The following STXBP6 variants were observed in gnomAD, a reference collection of about 807,000 sequenced individuals.
STXBP6 encodes syntaxin-binding protein 6.
In STXBP6, 21 loss-of-function variants were observed where a neutral mutation model predicts 26.9. The observed-to-expected ratio is 0.78, with a 90% CI of 0.55 to 1.12. STXBP6 has a LOEUF of 1.12. STXBP6 is among the 50% of genes most tolerant of loss of function. The pLI is 0.00. For synonymous variants in STXBP6, 97 were observed against 92.6 expected (o/e 1.05, Z -0.27); for missense variants, 232 against 257.9 (o/e 0.90, Z 0.69).
intron 2 of STXBP6, among the ~76,000 whole-genome samples, chr14:24,971,934 A>G (rs1485296224): frequency 1.3e-5 from 2 of 152,252 alleles, no homozygotes; most frequent in African/African-American, 4.8e-5. Flanking sequence ...AAAATTCTTA[A>G]TAAATATTTG....
intron 2 of STXBP6, among the ~76,000 whole-genome samples, chr14:24,913,248 C>A (rs1327374089): frequency 1.3e-5 from 2 of 152,104 alleles, no homozygotes; most frequent in East Asian, 3.8e-4. Flanking sequence ...AAACCACAGT[C>A]CTGGAGATGA....
At chr14:24,871,139 G>C (rs1386485042) in intron 2 of STXBP6, among the ~76,000 whole-genome samples, 1 of 151,814 alleles carries the variant, frequency 6.6e-6, no homozygotes, top group Non-Finnish European at 1.5e-5. Flanking sequence ...TCATATGGCA[G>C]GAAGCCCATT....
intron 1 of STXBP6, among the ~76,000 whole-genome samples, chr14:24,975,195 G>A (rs145526602): frequency 6.6e-6 from 1 of 152,238 alleles, no homozygotes; most frequent in African/African-American, 2.4e-5. Flanking sequence ...TGTTCTGTAA[G>A]AAACATATTT....
In STXBP6 at chr14:24,810,679, T is replaced by A; in HGVS notation, c.*2030A>T. The A allele has an allele frequency of 6.6e-6, 1 of 152,242 alleles. No homozygotes were observed. Among genetic ancestry groups the A allele is most frequent in the East Asian group, 1.9e-4 (1 of 5,202 alleles). 9.4% of individuals were successfully genotyped at this position (152,242 alleles called of 1,614,324 possible). On this transcript the variant is annotated 3_prime_UTR_variant, in exon 6 of 6. Coordinates refer to ENST00000323944, the MANE Select transcript of STXBP6 (RefSeq NM_001394410.1). ...AAGAAGAATCTTGGGTTTCACAGTA[T>A]GCTTATGACCTCATCCTCAGCTACT...
At chr14:24,884,161 A>C (rs1483435590) in intron 2 of STXBP6, among the ~76,000 whole-genome samples, 1 of 152,210 alleles carries the variant, frequency 6.6e-6, no homozygotes, top group African/African-American at 2.4e-5. Flanking sequence ...GATTCAAAGG[A>C]TCCATCAGCC....
At chr14:25,014,714 G>A (rs543838037) in intron 1 of STXBP6, among the ~76,000 whole-genome samples, 27 of 152,348 alleles carry the variant, frequency 1.8e-4, no homozygotes, top group South Asian at 1.2e-3. Flanking sequence ...TCTCTGAACC[G>A]TAGACATCTC....
intron 2 of STXBP6, among the ~76,000 whole-genome samples, chr14:24,896,582 A>G (rs1017399162): frequency 3.3e-5 from 5 of 152,194 alleles, no homozygotes; most frequent in African/African-American, 1.2e-4. Flanking sequence ...AGGGCTCATA[A>G]TTTACTAGAG....
At chr14:25,034,231 G>A (rs1198613677) in intron 1 of STXBP6, among the ~76,000 whole-genome samples, 2 of 152,088 alleles carry the variant, frequency 1.3e-5, no homozygotes, top group African/African-American at 4.8e-5. Flanking sequence ...AGTTGTTCCA[G>A]GTAAACTTGA....
At chr14:24,967,796 G>A (rs149641948) in intron 2 of STXBP6, among the ~76,000 whole-genome samples, 4 of 152,244 alleles carry the variant, frequency 2.6e-5, no homozygotes, top group South Asian at 2.1e-4. Flanking sequence ...GGCCAAAAGC[G>A]TTCTACATCT....
chr14:24,912,837 C>T (rs183802287), intron 2 of STXBP6, among the ~76,000 whole-genome samples: 66 of 152,184 alleles, frequency 4.3e-4, no homozygotes, highest in African/African-American at 1.5e-3. Context: ...TGTGGACTTG[C>T]CTTTTTTTCA....
At chr14:25,006,778 A>G (rs1566556512) in intron 1 of STXBP6, among the ~76,000 whole-genome samples, 1 of 152,176 alleles carries the variant, frequency 6.6e-6, no homozygotes, top group Non-Finnish European at 1.5e-5. Flanking sequence ...ACCAAGGAAC[A>G]TCAATCACAT....
intron 1 of STXBP6, among the ~76,000 whole-genome samples, chr14:25,044,490 C>T (rs1040191703): frequency 2.0e-5 from 3 of 152,130 alleles, no homozygotes; most frequent in African/African-American, 7.2e-5. Flanking sequence ...CACTTCCATG[C>T]CCCCGTCCAG....
intron 2 of STXBP6, among the ~76,000 whole-genome samples, chr14:24,961,423 T>A (rs2073532348): frequency 6.8e-6 from 1 of 147,228 alleles, no homozygotes; most frequent in South Asian, 2.2e-4. Flanking sequence ...TTAAAAAAAT[T>A]AATAGGAACA....
Position 24,935,740 on chromosome 14 carries a change from T to C in STXBP6, c.154+38925A>G, listed in dbSNP as rs1176792818. Among the ~76,000 whole-genome samples the C allele has an allele frequency of 3.3e-5, 5 of 152,218 alleles. No homozygotes were observed. In the East Asian group the frequency reaches 7.7e-4, roughly 23 times the overall value. On this transcript the variant is annotated intron_variant, in intron 2 of 5. Transcript: ENST00000323944. ...GACACTAAAATACAATTATACTAGATTGCTTTTTCTTTGACTTCTTTTATT... is the reference window on the plus strand; with the variant it reads ...GACACTAAAATACAATTATACTAGACTGCTTTTTCTTTGACTTCTTTTATT...
chr14:24,933,157 A>G (rs2072479577), intron 2 of STXBP6, among the ~76,000 whole-genome samples: 2 of 152,178 alleles, frequency 1.3e-5, no homozygotes, highest in South Asian at 4.1e-4. Flanking sequence ...CCTAGCCAAT[A>G]TGGTGACACC....
rs567139079 is a variant in STXBP6 at position 24,987,039 on chromosome 14, C to T, written c.-32-12189G>A. 2.2e-4 allele frequency among the ~76,000 whole-genome samples: 34 copies of T among 152,292 alleles called. No individual in the cohort carries two copies. In the East Asian group the frequency reaches 6.2e-3, roughly 28 times the overall value. Reference sequence around the variant, plus strand: ...GTTCCAGAAAATAACTAACTTCTGACCTAACTAGCTGTGCAGTGTTTGATA... The same window carrying T: ...GTTCCAGAAAATAACTAACTTCTGATCTAACTAGCTGTGCAGTGTTTGATA... On this transcript the variant is annotated intron_variant, in intron 1 of 5. Transcript: ENST00000323944.
chr14:24,865,444 T>C (rs1440865338), intron 2 of STXBP6, among the ~76,000 whole-genome samples: 1 of 152,148 alleles, frequency 6.6e-6, no homozygotes, highest in Non-Finnish European at 1.5e-5. Context: ...GCTAAAATTC[T>C]TAAGACAGAG....
intron 1 of STXBP6, among the ~76,000 whole-genome samples, chr14:24,976,955 C>T (rs1216721491): frequency 1.4e-5 from 2 of 145,798 alleles, no homozygotes; most frequent in Non-Finnish European, 3.0e-5. Context: ...CTCCACTTCT[C>T]CGGTTCAATC....
intron 2 of STXBP6, among the ~76,000 whole-genome samples, chr14:24,926,944 A>AAT (rs1334217059): frequency 1.3e-5 from 2 of 152,148 alleles, no homozygotes; most frequent in Admixed American, 6.5e-5. Context: ...TATTTAAAAA[A>AAT]AAAATAAAGT....
Sources: allele counts gnomAD v4.1 joint callset (sites outside exome capture counted in the v4.1 genomes callset), GRCh38; gene constraint gnomAD v4.1.1; transcripts MANE v1.5; gene names NCBI Gene and HGNC (gene_info 2026-07-23, HGNC 2026-07-21).